CACNA2D1: variants seen among roughly 807,000 people sequenced by gnomAD.
CACNA2D1 encodes the protein voltage-dependent calcium channel subunit alpha-2/delta-1.
CACNA2D1 carries 53 observed loss-of-function variants against 171.5 expected under a neutral mutation model. That is an observed-to-expected ratio of 0.31 (90% confidence interval 0.25 to 0.39). CACNA2D1 has a LOEUF of 0.39. CACNA2D1 is among the 10% of genes least tolerant of loss of function. The pLI is 1.00. For synonymous variants in CACNA2D1, 442 were observed against 443.1 expected (o/e 1.00, Z 0.03); for missense variants, 903 against 1,299.8 (o/e 0.69, Z 4.69).
chr7:82,170,332 TG>T lies in CACNA2D1; in HGVS notation c.354+217del, dbSNP rs200496704. On this transcript the variant is annotated intron_variant, in intron 4 of 38. Transcript: ENST00000356860. ...GGGTTTTAAAGGGTTTTTTGGTTTT[TG>T]TTTTTTTTTGGTAATATGGAACATA... 5.8e-3 allele frequency among the ~76,000 whole-genome samples: 883 copies of T among 151,404 alleles called. 5 individuals are homozygous for T. Among genetic ancestry groups the T allele is most frequent in the African/African-American group, 0.018 (759 of 41,266 alleles).
At chr7:81,956,469 A>G (rs1452226171) in intron 38 of CACNA2D1, among the ~76,000 whole-genome samples, 5 of 152,106 alleles carry the variant, frequency 3.3e-5, no homozygotes, top group Admixed American at 6.6e-5. Flanking sequence ...TTTCTTGTGT[A>G]ATGGTTGACT....
chr7:82,246,402 A>C (rs1455129423), intron 3 of CACNA2D1, among the ~76,000 whole-genome samples: 1 of 152,304 alleles, frequency 6.6e-6, no homozygotes, highest in Non-Finnish European at 1.5e-5. Context: ...ATCATATTTC[A>C]TTAACCAATC....
chr7:82,124,500 C>G (rs258689), intron 5 of CACNA2D1, among the ~76,000 whole-genome samples: 89,358 of 151,916 alleles, frequency 0.59, 26,965 homozygotes, highest in African/African-American at 0.73. Context: ...AAATCTTCTT[C>G]TGTAACTTCA....
intron 3 of CACNA2D1, among the ~76,000 whole-genome samples, chr7:82,310,253 TTAAA>T (rs1292768025): frequency 1.5e-4 from 23 of 151,830 alleles, no homozygotes; most frequent in Admixed American, 4.6e-4. Context: ...ATTAAATCTA[TTAAA>T]TAATTCTATA....
intron 37 of CACNA2D1, 137 bp from the exon 38 acceptor site, chr7:81,959,494 C>CAT (rs1163874627): frequency 1.3e-6 from 1 of 776,414 alleles, no homozygotes; most frequent in African/African-American, 1.7e-5. Context: ...AATTCAAGTA[C>CAT]ATAGGGATTT....
At chr7:82,190,229 G>A (rs989634084) in intron 3 of CACNA2D1, among the ~76,000 whole-genome samples, 17 of 151,730 alleles carry the variant, frequency 1.1e-4, no homozygotes, top group African/African-American at 3.4e-4. Context: ...TCAACAGCAA[G>A]ACTGCATTAC....
chr7:82,253,621 A>G (rs1805938578), intron 3 of CACNA2D1, among the ~76,000 whole-genome samples: 1 of 152,240 alleles, frequency 6.6e-6, no homozygotes, highest in African/African-American at 2.4e-5. Context: ...ATAAATGAAC[A>G]TTAATGTTAA....
chr7:82,318,656 T>C (rs1210209708), intron 3 of CACNA2D1, among the ~76,000 whole-genome samples: 4 of 152,206 alleles, frequency 2.6e-5, no homozygotes, highest in Non-Finnish European at 5.9e-5. Context: ...TAAAATAAGC[T>C]ACCATTATCA....
At chr7:82,199,191 A>C (rs950808010) in intron 3 of CACNA2D1, among the ~76,000 whole-genome samples, 29 of 152,084 alleles carry the variant, frequency 1.9e-4, no homozygotes, top group Admixed American at 1.7e-3. Context: ...TTACCTATTA[A>C]TTTATTTGCA....
intron 7 of CACNA2D1, among the ~76,000 whole-genome samples, chr7:82,076,603 C>T (rs1052934367): frequency 6.6e-6 from 1 of 152,030 alleles, no homozygotes; most frequent in Non-Finnish European, 1.5e-5. Flanking sequence ...CTTTAAAATT[C>T]CACATCTGAC....
intron 3 of CACNA2D1, among the ~76,000 whole-genome samples, chr7:82,267,317 C>T (rs1471334534): frequency 6.6e-6 from 1 of 152,098 alleles, no homozygotes; most frequent in Non-Finnish European, 1.5e-5. Context: ...GCCCATTTTT[C>T]TTCAGATTGC....
intron 7 of CACNA2D1, among the ~76,000 whole-genome samples, chr7:82,073,326 T>C (rs1259433028): frequency 6.6e-6 from 1 of 152,210 alleles, no homozygotes; most frequent in East Asian, 1.9e-4. Context: ...CTAGTACTTA[T>C]GATCTTGACT....
chr7:82,196,819 T>C (rs906602472), intron 3 of CACNA2D1, among the ~76,000 whole-genome samples: 1 of 151,782 alleles, frequency 6.6e-6, no homozygotes, highest in Admixed American at 6.6e-5. Flanking sequence ...CTGGTACATT[T>C]TTTTTTTTTA....
rs1359521633 is a variant in CACNA2D1 at position 81,947,744 on chromosome 7, CAG to C, written c.*2646_*2647del. 6.6e-6 allele frequency: 1 copy of C among 151,786 alleles called. No homozygotes were observed. Among genetic ancestry groups the C allele is most frequent in the African/African-American group, 2.4e-5 (1 of 41,378 alleles). 9.4% of individuals were successfully genotyped at this position (151,786 alleles called of 1,614,324 possible). A position where few individuals can be genotyped will look rare whatever the true frequency, so the allele number is the denominator to read the frequency against. On this transcript the variant is annotated 3_prime_UTR_variant, in exon 39 of 39. Transcript: ENST00000356860. The stretch of plus-strand genomic sequence containing the variant: ...AATTTAAGTTCTTGTCAATGTAACT[CAG>C]AAAAATACTAAATGTAATGTAATAA...
At chr7:82,276,078 T>C (rs1470935278) in intron 3 of CACNA2D1, among the ~76,000 whole-genome samples, 1 of 152,208 alleles carries the variant, frequency 6.6e-6, no homozygotes, top group Non-Finnish European at 1.5e-5. Context: ...TGAATCTACT[T>C]ACTTTGGCTG....
At chr7:82,401,313 C>T (rs1443255246) in intron 1 of CACNA2D1, among the ~76,000 whole-genome samples, 1 of 151,522 alleles carries the variant, frequency 6.6e-6, no homozygotes, top group Non-Finnish European at 1.5e-5. Context: ...ACCCAAATGT[C>T]CAACAATGAT....
Position 82,397,072 on chromosome 7 carries a change from C to T in CACNA2D1, c.95+46293G>A, listed in dbSNP as rs144195924. Among the ~76,000 whole-genome samples, 673 of 152,114 alleles carry T rather than the reference C, an allele frequency of 4.4e-3. 3 individuals carry two copies. Among genetic ancestry groups the T allele is most frequent in the Non-Finnish European group, 7.5e-3 (512 of 67,986 alleles). On this transcript the variant is annotated intron_variant, in intron 1 of 38. Transcript: ENST00000356860. Reference sequence around the variant, plus strand: ...ATAAAAGTTGCATGGTCCTCCCCACCCCACCTCCATTCCACACCGAGTACC... The same window carrying T: ...ATAAAAGTTGCATGGTCCTCCCCACTCCACCTCCATTCCACACCGAGTACC...
intron 5 of CACNA2D1, among the ~76,000 whole-genome samples, chr7:82,125,108 T>C (rs542219777): frequency 6.6e-6 from 1 of 152,322 alleles, no homozygotes; most frequent in East Asian, 1.9e-4. Flanking sequence ...AAGACTCTGC[T>C]GCTAAGAGGA....
chr7:82,083,780 T>C (rs141740681), intron 7 of CACNA2D1, among the ~76,000 whole-genome samples: 159 of 152,274 alleles, frequency 1.0e-3, no homozygotes, highest in African/African-American at 3.5e-3. Flanking sequence ...AGTCCATTGA[T>C]ACCCAGATAC....
Sources: gnomAD v4.1 joint callset for allele counts (sites outside exome capture counted in the v4.1 genomes callset) on GRCh38, gnomAD v4.1.1 for gene constraint, MANE v1.5 for transcripts, NCBI Gene and HGNC (gene_info 2026-07-23, HGNC 2026-07-21) for gene names.